FGGY: variants seen among roughly 807,000 people sequenced by gnomAD.
The protein encoded by FGGY is FGGY carbohydrate kinase domain-containing protein.
Under a neutral mutation model 71.3 loss-of-function variants are expected in FGGY, and 72 were observed. The observed-to-expected ratio is 1.01, with a 90% CI of 0.84 to 1.23. The LOEUF (loss-of-function observed/expected upper bound fraction) is 1.23. Ranked by LOEUF, FGGY falls within the 50% of genes most tolerant of loss-of-function variation. The pLI, the probability that FGGY is intolerant of heterozygous loss-of-function variation, is 0.00. For missense variants in FGGY, 668 were observed against 682.3 expected, an observed-to-expected ratio of 0.98 and a Z score of 0.23; for synonymous variants, 251 against 250.3, an observed-to-expected ratio of 1.00 and a Z score of -0.02.
At chr1:59,497,897 ACGCAGT>A (rs1476226533) in intron 6 of FGGY, among the ~76,000 whole-genome samples, 3 of 141,726 alleles carry the variant, frequency 2.1e-5, no homozygotes, top group Non-Finnish European at 4.6e-5. Context: ...ATTTTTCCGT[ACGCAGT>A]CTTCCAGGCC....
In FGGY at chr1:59,354,126, G is replaced by A. The variant is rs146635197; in HGVS notation, c.465+7728G>A. 3.0e-3 allele frequency among the ~76,000 whole-genome samples: 455 copies of A among 151,908 alleles called. 3 individuals carry two copies. The highest frequency in any genetic ancestry group is 0.01 in the African/African-American group (429 of 41,378). Reference sequence around the variant, plus strand: ...AGGGTCTTGCTCTGTCACCCAGGTTGGAGTACAGTAGCACAGTCTTGGCTC... The same window carrying A: ...AGGGTCTTGCTCTGTCACCCAGGTTAGAGTACAGTAGCACAGTCTTGGCTC... On this transcript the variant is annotated intron_variant, in intron 4 of 15. Transcript: ENST00000303721.
At chr1:59,499,354 G>GAGGT (rs2094152391) in intron 6 of FGGY, among the ~76,000 whole-genome samples, 2 of 140,924 alleles carry the variant, frequency 1.4e-5, no homozygotes, top group African/African-American at 5.3e-5. Flanking sequence ...GGACGACAGG[G>GAGGT]AGGTAGTGCC....
intron 6 of FGGY, among the ~76,000 whole-genome samples, chr1:59,505,500 T>C (rs2094355379): frequency 6.6e-6 from 1 of 152,156 alleles, no homozygotes; most frequent in Admixed American, 6.5e-5. Flanking sequence ...CTCTTGACTT[T>C]GGCAAAACTG....
At chr1:59,720,596 T>G (rs1338856824) in intron 14 of FGGY, among the ~76,000 whole-genome samples, 1 of 152,240 alleles carries the variant, frequency 6.6e-6, no homozygotes, top group Non-Finnish European at 1.5e-5. Context: ...AGAAACAGAC[T>G]CAAATTTTGT....
intron 5 of FGGY, among the ~76,000 whole-genome samples, chr1:59,422,531 TA>T (rs369263371): frequency 0.03 from 4,548 of 152,034 alleles, 98 homozygotes; most frequent in South Asian, 0.072. Context: ...CGATCTGTAC[TA>T]AAAAACTGGA....
chr1:59,354,506 T>C (rs1394005092), intron 4 of FGGY, among the ~76,000 whole-genome samples: 1 of 152,250 alleles, frequency 6.6e-6, no homozygotes, highest in African/African-American at 2.4e-5. Context: ...AGTACGGGCT[T>C]ATCACCATTT....
At chr1:59,309,382 C>G (rs1390254077) in intron 1 of FGGY, among the ~76,000 whole-genome samples, 1 of 152,102 alleles carries the variant, frequency 6.6e-6, no homozygotes, top group Middle Eastern at 3.2e-3. Context: ...TGAACAAAAG[C>G]ACCAAGCCTT....
intron 7 of FGGY, among the ~76,000 whole-genome samples, chr1:59,546,480 A>G (rs1192086253): frequency 6.6e-6 from 1 of 151,260 alleles, no homozygotes; most frequent in East Asian, 1.9e-4. Context: ...TTCTCTGTTG[A>G]CTTAAAGCAT....
At chr1:59,465,736 G>A (rs1376446280) in intron 6 of FGGY, among the ~76,000 whole-genome samples, 1 of 152,144 alleles carries the variant, frequency 6.6e-6, no homozygotes, top group South Asian at 2.1e-4. Flanking sequence ...GCCAAATCAT[G>A]TATGAATTCC....
intron 14 of FGGY, among the ~76,000 whole-genome samples, chr1:59,737,172 T>G (rs1017202712): frequency 2.6e-5 from 4 of 152,226 alleles, no homozygotes; most frequent in African/African-American, 7.2e-5. Context: ...AGAGGATGTA[T>G]GGAAATGCCT....
intron 11 of FGGY, among the ~76,000 whole-genome samples, chr1:59,640,547 G>A (rs1476492204): frequency 1.3e-5 from 2 of 152,278 alleles, no homozygotes; most frequent in East Asian, 3.9e-4. Flanking sequence ...ATAGGAACTA[G>A]CAGGATAATT....
Position 59,665,710 on chromosome 1 carries a change from A to G in FGGY, c.1297-1573A>G, listed in dbSNP as rs187294856. On this transcript the variant is annotated intron_variant, in intron 12 of 15. Coordinates refer to ENST00000303721, the MANE Select transcript of FGGY (RefSeq NM_018291.5). ...TTTTTTTGAGATGGAGTGTTGCTCT[A>G]TTGCCCAGGCTGGAGTGCAATGGTG... Among the ~76,000 whole-genome samples the G allele has an allele frequency of 9.3e-4, 139 of 150,204 alleles. 1 individual carries two copies. The highest frequency in any genetic ancestry group is 3.2e-3 in the African/African-American group (129 of 40,858).
At chr1:59,377,711 T>G (rs939046034) in intron 4 of FGGY, among the ~76,000 whole-genome samples, 1 of 151,998 alleles carries the variant, frequency 6.6e-6, no homozygotes, top group South Asian at 2.1e-4. Context: ...CAGGAGATCC[T>G]GGAAACCCCC....
At chr1:59,502,880 G>C (rs1223521081) in intron 6 of FGGY, among the ~76,000 whole-genome samples, 2 of 152,206 alleles carry the variant, frequency 1.3e-5, no homozygotes, top group Non-Finnish European at 2.9e-5. Context: ...AATCAGAGGA[G>C]AGGACTGGAA....
At chr1:59,494,445 A>G (rs2093971794) in intron 6 of FGGY, among the ~76,000 whole-genome samples, 1 of 152,176 alleles carries the variant, frequency 6.6e-6, no homozygotes, top group Non-Finnish European at 1.5e-5. Context: ...AAGATAGAAA[A>G]GACCAGTTTA....
At chr1:59,589,858 T>G (rs1293015942) in intron 8 of FGGY, among the ~76,000 whole-genome samples, 2 of 151,926 alleles carry the variant, frequency 1.3e-5, no homozygotes, top group Non-Finnish European at 2.9e-5. Flanking sequence ...ATTGACACTC[T>G]AACATCACAA....
chr1:59,622,610 G>A (rs2096821331), intron 9 of FGGY, among the ~76,000 whole-genome samples: 1 of 152,140 alleles, frequency 6.6e-6, no homozygotes, highest in Admixed American at 6.6e-5. Flanking sequence ...AGAAATTAGG[G>A]TAGCATTTAT....
chr1:59,588,683 C>A lies in FGGY; in HGVS notation c.904-19120C>A, dbSNP rs146902423. Among the ~76,000 whole-genome samples, 977 of 152,198 alleles carry A rather than the reference C, an allele frequency of 6.4e-3. 10 individuals carry two copies. The highest frequency in any genetic ancestry group is 0.022 in the African/African-American group (913 of 41,516). Reference sequence around the variant, plus strand: ...TTCAATCCAGAATTTCATATCCAGCCAAACTAAGCTTCAAAAGTGAAGGAG... The same window carrying A: ...TTCAATCCAGAATTTCATATCCAGCAAAACTAAGCTTCAAAAGTGAAGGAG... On this transcript the variant is annotated intron_variant, in intron 8 of 15. Coordinates refer to ENST00000303721, the MANE Select transcript of FGGY (RefSeq NM_018291.5).
At chr1:59,299,218 T>C (rs2042398713) in intron 1 of FGGY, among the ~76,000 whole-genome samples, 1 of 152,058 alleles carries the variant, frequency 6.6e-6, no homozygotes, top group Non-Finnish European at 1.5e-5. Flanking sequence ...GGGAACAGCA[T>C]GTGCAGAACT....
Sources: allele counts gnomAD v4.1 joint callset (sites outside exome capture counted in the v4.1 genomes callset), GRCh38; gene constraint gnomAD v4.1.1; transcripts MANE v1.5; gene names NCBI Gene and HGNC (gene_info 2026-07-23, HGNC 2026-07-21).